ATP8B2: variants seen among roughly 807,000 people sequenced by gnomAD.
ATP8B2 encodes the protein ATPase phospholipid transporting 8B2.
ATP8B2 carries 70 observed loss-of-function variants against 133.4 expected under a neutral mutation model. That is an observed-to-expected ratio of 0.52 (90% CI 0.43 to 0.64). The LOEUF (loss-of-function observed/expected upper bound fraction) is 0.64, where lower values mean the gene tolerates loss of function less well. ATP8B2 is among the 30% of genes least tolerant of loss of function. ATP8B2 has a pLI of 0.00. For synonymous variants in ATP8B2, 517 were observed against 589.5 expected, an observed-to-expected ratio of 0.88 and a Z score of 1.78; for missense variants, 1,101 against 1,535.7, an observed-to-expected ratio of 0.72 and a Z score of 4.73.
rs530459501 is a variant in ATP8B2 at position 154,345,017 on chromosome 1, C to T, written c.2333C>T (p.Ala778Val). 3.4e-5 allele frequency: 55 copies of T among 1,614,078 alleles called. No homozygotes were observed. Among genetic ancestry groups the T allele is most frequent in the South Asian group, 2.4e-4 (22 of 91,068 alleles). The change falls in exon 22 of 28, where the codon GCG becomes GTG. Residue 778 changes from alanine (A) to valine (V), a missense_variant. By Grantham distance (64) the Ala-to-Val change is moderately conservative. Coordinates refer to ENST00000368489, the MANE Select transcript of ATP8B2 (RefSeq NM_001370597.1). This position sits in a 1 kb window ranked among gnomAD's most constrained non-coding sequence, Gnocchi z 5.6. ...ATGGAGCTGGAGTTTCTGGAGACAG[C>T]GTGTGCCTGCAAAGCTGTCATCTGC... is the stretch of plus-strand genomic sequence containing the variant. ...ADMELEFLET[A>V]CACKAVICCR...
rs375696034 is a variant in ATP8B2, at chr1:154,334,627, C to T, written c.837+36C>T. On this transcript the variant is annotated intron_variant, in intron 11 of 27. Transcript: ENST00000368489. The surrounding 1 kb of genome is among the most constrained non-coding windows in gnomAD (Gnocchi z 4.6). ...CCACATCTGGCTCCCTGCCCCTGCC[C>T]TCTCTTCTCCTTGGGTGCTCCTTTT... 19 of 1,559,100 alleles carry T rather than the reference C, an allele frequency of 1.2e-5. No homozygotes were observed. The highest frequency in any genetic ancestry group is 2.7e-5 in the African/African-American group (2 of 73,594).
In ATP8B2 at chr1:154,328,896, G is replaced by A. The variant is rs1441646117; in HGVS notation, c.31+724G>A. On this transcript the variant is annotated intron_variant, in intron 2 of 27. Transcript: ENST00000368489. The surrounding 1 kb of genome is among the most constrained non-coding windows in gnomAD (Gnocchi z 4.6). ...CTGGGGCTCCCCTCTGAGCGGCTGC[G>A]GCTCCTGCACCTCCCCGGGGAGCCG... 3.9e-6 allele frequency: 5 copies of A among 1,266,948 alleles called. No individual in the cohort carries two copies. The highest frequency in any genetic ancestry group is 3.8e-5 in the South Asian group (3 of 78,676). The allele number at this position is 1,266,948 out of a possible 1,614,324, so 78.5% of individuals were successfully genotyped here. A position where few individuals can be genotyped will look rare whatever the true frequency, so the allele number is the denominator to read the frequency against.
Position 154,328,236 on chromosome 1 carries a change from G to T in ATP8B2, c.31+64G>T. 3 of 1,525,818 alleles carry T rather than the reference G, an allele frequency of 2.0e-6. 1 individual carries two copies. Among genetic ancestry groups the T allele is most frequent in the Middle Eastern group, 4.2e-4 (2 of 4,810 alleles). The allele number at this position is 1,525,818 out of a possible 1,614,324, so 94.5% of individuals were successfully genotyped here. On this transcript the variant is annotated intron_variant, in intron 2 of 27. Transcript: ENST00000368489. The surrounding 1 kb of genome is among the most constrained non-coding windows in gnomAD (Gnocchi z 4.6). ...AGAGTGGGTGTTGTTATGGCTCAGGGAGCAAAAGGAAAAGGGACAACTGGT... is the reference window on the plus strand; with the variant it reads ...AGAGTGGGTGTTGTTATGGCTCAGGTAGCAAAAGGAAAAGGGACAACTGGT...
At position 154,348,470 on chromosome 1, in the gene ATP8B2, G is replaced by A. The variant is rs368404389; in HGVS notation, c.3226G>A (p.Val1076Ile). 990 of 1,614,082 alleles carry A rather than the reference G, an allele frequency of 6.1e-4. 10 individuals carry two copies. The South Asian group carries it at 0.01, about 16-fold the overall frequency. Residue 1076 changes from valine to isoleucine, a missense_variant, in exon 27 of 28, where the codon GTC (valine) becomes ATC (isoleucine). Physicochemically the swap from Val to Ile is conservative, Grantham distance 29 (BLOSUM62 3). Transcript: ENST00000368489. Reference protein sequence around the residue: ...VWLTIVLTTVVCIMPVVAFRF... With the variant: ...VWLTIVLTTVICIMPVVAFRF... ...GCTGACCATTGTGCTCACCACAGTC[G>A]TCTGCATCATGCCCGTGGTTGCCTT...
chr1:154,342,634 G>T, intron 14 of ATP8B2, 111 bp downstream of exon 14: 1 of 1,460,464 alleles, frequency 6.8e-7, no homozygotes, highest in South Asian at 1.2e-5. Context: ...GCTGCTTGGA[G>T]AAATGGGTGT....
chr1:154,330,259 A>G (rs749437583), intron 2 of ATP8B2, 137 bp from the exon 3 acceptor site: 7 of 677,898 alleles, frequency 1.0e-5, no homozygotes, highest in Non-Finnish European at 1.8e-5. Flanking sequence ...ACTGGAGGGA[A>G]GAATTTGATG....
chr1:154,341,301 A>G (rs1322675589), intron 13 of ATP8B2: 3 of 583,534 alleles, frequency 5.1e-6, no homozygotes, highest in Non-Finnish European at 6.1e-6. Flanking sequence ...CCTGGGCAAC[A>G]TAGTGAGACC....
Position 154,331,076 on chromosome 1 carries a change from G to A in ATP8B2, c.233G>A (p.Trp78Ter). Residue 78 changes from tryptophan to a stop codon, truncating the protein, a stop_gained, in exon 5 of 28, where the codon TGG (tryptophan) becomes TAG (stop). Coordinates refer to ENST00000368489, the MANE Select transcript of ATP8B2 (RefSeq NM_001370597.1). LOFTEE classifies it high-confidence loss of function. This position sits in a 1 kb window ranked among gnomAD's most constrained non-coding sequence, Gnocchi z 4.8. ...QLIPQISSLSWFTTIVPLVLV... is the reference protein window; with the variant it reads ...QLIPQISSLS The stretch of plus-strand genomic sequence containing the variant: ...ATCCCCCAGATCTCTTCCCTGTCCT[G>A]GTTCACCACCATTGTGCCTTTGGTT... 6.2e-7 allele frequency: 1 copy of A among 1,613,966 alleles called. No individual in the cohort carries two copies. Among genetic ancestry groups the A allele is most frequent in the Non-Finnish European group, 8.5e-7 (1 of 1,179,948 alleles).
rs1305751745 is a variant in ATP8B2, at chr1:154,340,471, C to T, written c.1035-383C>T. On this transcript the variant is annotated intron_variant, in intron 12 of 27. Coordinates refer to ENST00000368489, the MANE Select transcript of ATP8B2 (RefSeq NM_001370597.1). The surrounding 1 kb of genome is among the most constrained non-coding windows in gnomAD (Gnocchi z 4.0). ...CACAGCACCCTCATTATTTCTCTCT[C>T]TCTTTTCTCTCCCCTCCCTCTGGCA... 2.3e-5 allele frequency: 5 copies of T among 217,342 alleles called. No individual in the cohort carries two copies. Among genetic ancestry groups the T allele is most frequent in the Non-Finnish European group, 5.1e-5 (5 of 98,258 alleles). The allele number at this position is 217,342 out of a possible 1,614,324, so 13.5% of individuals were successfully genotyped here. A position where few individuals can be genotyped will look rare whatever the true frequency, so the allele number is the denominator to read the frequency against.
At chr1:154,325,984 C>G in intron 1 of ATP8B2, among the ~76,000 whole-genome samples, 1 of 152,196 alleles carries the variant, frequency 6.6e-6, no homozygotes, top group East Asian at 1.9e-4. Context: ...GAGAGCGGCG[C>G]GAGTGCCAAG....
chr1:154,326,945 T>C (rs1685811498), intron 1 of ATP8B2, among the ~76,000 whole-genome samples: 1 of 151,956 alleles, frequency 6.6e-6, no homozygotes, highest in Non-Finnish European at 1.5e-5. Flanking sequence ...TGGATGAGGT[T>C]TTTCTTCCTG....
At position 154,344,571 on chromosome 1, in the gene ATP8B2, T is replaced by G; in HGVS notation, c.2142-70T>G. ...GGCTCAGGTGGGGGTTTCTGGACCA[T>G]TTAGACTTGAATCCCTGCTCCCCAC... On this transcript the variant is annotated intron_variant, in intron 20 of 27. Transcript: ENST00000368489. This position sits in a 1 kb window ranked among gnomAD's most constrained non-coding sequence, Gnocchi z 4.1. The G allele has an allele frequency of 6.2e-7, 1 of 1,610,432 alleles. No individual in the cohort carries two copies. Among genetic ancestry groups the G allele is most frequent in the Non-Finnish European group, 8.5e-7 (1 of 1,177,108 alleles).
At position 154,349,141 on chromosome 1, in the gene ATP8B2, G is replaced by A; in HGVS notation, c.*23G>A. ...TGAAGGCCGAGGATGGATGCCCTGT[G>A]CCAGTGACCAGAGCACCCAGGGCTG... is the stretch of plus-strand genomic sequence containing the variant. On this transcript the variant is annotated 3_prime_UTR_variant, in exon 28 of 28. Coordinates refer to ENST00000368489, the MANE Select transcript of ATP8B2 (RefSeq NM_001370597.1). The A allele has an allele frequency of 1.2e-6, 2 of 1,606,252 alleles. No individual in the cohort carries two copies. The highest frequency in any genetic ancestry group is 1.1e-5 in the South Asian group (1 of 90,524).
rs1173011297 is a variant in ATP8B2, at chr1:154,334,051, T to A, written c.590-56T>A. On this transcript the variant is annotated intron_variant, in intron 9 of 27. Transcript: ENST00000368489. This position sits in a 1 kb window ranked among gnomAD's most constrained non-coding sequence, Gnocchi z 4.6. Reference sequence around the variant, plus strand: ...CTCATTTTCTCTTTGTTTTATTGTCTTGTGGTTAGGCTGTAGACTGGACCT... The same window carrying A: ...CTCATTTTCTCTTTGTTTTATTGTCATGTGGTTAGGCTGTAGACTGGACCT... 11 of 1,587,888 alleles carry A rather than the reference T, an allele frequency of 6.9e-6. No homozygotes were observed. Among genetic ancestry groups the A allele is most frequent in the Non-Finnish European group, 8.6e-6 (10 of 1,161,274 alleles).
intron 11 of ATP8B2, among the ~76,000 whole-genome samples, chr1:154,335,750 G>A (rs1167927656): frequency 6.6e-6 from 1 of 150,756 alleles, no homozygotes; most frequent in Non-Finnish European, 1.5e-5. Flanking sequence ...AAAAAAAAAG[G>A]CAATCTTAGC....
Position 154,345,667 on chromosome 1 carries a change from G to A in ATP8B2, c.2694+122G>A, listed in dbSNP as rs1391380711. On this transcript the variant is annotated intron_variant, in intron 23 of 27. Coordinates refer to ENST00000368489, the MANE Select transcript of ATP8B2 (RefSeq NM_001370597.1). This position sits in a 1 kb window ranked among gnomAD's most constrained non-coding sequence, Gnocchi z 5.6. Reference sequence around the variant, plus strand: ...TTTCTGGTACATACTCTTAAAAAATGCTTATTAAAGGAGGAGAGAAGGAGC... The same window carrying A: ...TTTCTGGTACATACTCTTAAAAAATACTTATTAAAGGAGGAGAGAAGGAGC... 1.1e-5 allele frequency: 14 copies of A among 1,305,488 alleles called. No homozygotes were observed. The highest frequency in any genetic ancestry group is 1.9e-4 in the Middle Eastern group (1 of 5,360). The allele number at this position is 1,305,488 out of a possible 1,614,324, so 80.9% of individuals were successfully genotyped here. A position where few individuals can be genotyped will look rare whatever the true frequency, so the allele number is the denominator to read the frequency against.
rs1474437930 is a variant in ATP8B2 at position 154,337,394 on chromosome 1, A to G, written c.884A>G (p.Asn295Ser). 4 of 1,613,990 alleles carry G rather than the reference A, an allele frequency of 2.5e-6. No individual in the cohort carries two copies. The highest frequency in any genetic ancestry group is 8.5e-7 in the Non-Finnish European group (1 of 1,180,010). Residue 295 changes from asparagine to serine, a missense_variant, in exon 12 of 28, where the codon AAT becomes AGT. Transcript: ENST00000368489. ...VCMGVILAIGNAIWEHEVGMR... is the reference protein window; with the variant it reads ...VCMGVILAIGSAIWEHEVGMR... ...ATGGGGGTGATCCTGGCCATTGGCAATGCCATCTGGGAGCACGAGGTGGGG... is the reference window on the plus strand; with the variant it reads ...ATGGGGGTGATCCTGGCCATTGGCAGTGCCATCTGGGAGCACGAGGTGGGG...
chr1:154,336,313 G>A lies in ATP8B2; in HGVS notation c.838-1035G>A, dbSNP rs539473556. Reference sequence around the variant, plus strand: ...CCACATGATAATTGGTGACAGACTAGAACCTGTCACCAGTTCTGAGCTTTT... The same window carrying A: ...CCACATGATAATTGGTGACAGACTAAAACCTGTCACCAGTTCTGAGCTTTT... On this transcript the variant is annotated intron_variant, in intron 11 of 27. Transcript: ENST00000368489. 4.0e-3 allele frequency among the ~76,000 whole-genome samples: 610 copies of A among 152,150 alleles called. 6 individuals are homozygous for A. Among genetic ancestry groups the A allele is most frequent in the African/African-American group, 0.014 (585 of 41,492 alleles).
intron 9 of ATP8B2, among the ~76,000 whole-genome samples, chr1:154,333,509 A>G (rs1686073581): frequency 6.8e-6 from 1 of 146,886 alleles, no homozygotes; most frequent in Non-Finnish European, 1.5e-5. Flanking sequence ...GTCTCAAAAA[A>G]AAAAAAGAAG....
Sources: gnomAD v4.1 joint callset for allele counts (sites outside exome capture counted in the v4.1 genomes callset) on GRCh38, gnomAD v4.1.1 for gene constraint, Gnocchi (gnomAD v3.1) non-coding constraint, MANE v1.5 for transcripts, NCBI Gene and HGNC (gene_info 2026-07-23, HGNC 2026-07-21) for gene names.